FIGN: variants seen among roughly 807,000 people sequenced by gnomAD.
FIGN encodes fidgetin, microtubule severing factor, also known as fidgetin.
In FIGN, 11 loss-of-function variants were observed where a neutral mutation model predicts 51.3. That is an observed-to-expected ratio of 0.21 (90% CI 0.13 to 0.35). The LOEUF is 0.35. Among genes scored for constraint, FIGN ranks in the 10% least tolerant of loss-of-function variants. The probability of loss-of-function intolerance (pLI) is 1.00; values close to 1 mark genes in which losing one functional copy is unlikely to be tolerated. For synonymous variants in FIGN, 407 were observed against 363.2 expected (o/e 1.12, Z -1.37); for missense variants, 857 against 943.6 (o/e 0.91, Z 1.20).
chr2:163,616,999 T>G (rs1682889061), intron 2 of FIGN: 1 of 604,268 alleles, frequency 1.7e-6, no homozygotes, highest in African/African-American at 2.0e-5. Flanking sequence ...TTATTATCAT[T>G]CTTCAATGGG....
intron 2 of FIGN, among the ~76,000 whole-genome samples, chr2:163,616,882 A>G (rs145937122): frequency 1.1e-3 from 164 of 152,262 alleles, no homozygotes; most frequent in African/African-American, 3.5e-3. Context: ...TCCAGTAGAA[A>G]GTAGAAAATT....
chr2:163,699,778 T>G, intron 2 of FIGN, among the ~76,000 whole-genome samples: 1 of 152,134 alleles, frequency 6.6e-6, no homozygotes, highest in East Asian at 1.9e-4. Context: ...TACAGAAATT[T>G]TTTTGGTAAA....
At chr2:163,702,042 C>A (rs1372761506) in intron 2 of FIGN, among the ~76,000 whole-genome samples, 1 of 152,066 alleles carries the variant, frequency 6.6e-6, no homozygotes, top group Non-Finnish European at 1.5e-5. Flanking sequence ...CAGTGCTGTC[C>A]TCCCAGCCAT....
At chr2:163,671,184 G>C (rs1325737907) in intron 2 of FIGN, among the ~76,000 whole-genome samples, 2 of 152,190 alleles carry the variant, frequency 1.3e-5, no homozygotes, top group Non-Finnish European at 2.9e-5. Flanking sequence ...ACCTCTGTTA[G>C]CTGCCATCAT....
rs897546365 is a variant in FIGN, at chr2:163,669,575, T to C, written c.26-57769A>G. Among the ~76,000 whole-genome samples the C allele has an allele frequency of 1.2e-4, 19 of 152,186 alleles. No individual in the cohort carries two copies. In the South Asian group the frequency reaches 3.7e-3, roughly 30 times the overall value. Reference sequence around the variant, plus strand: ...ATTTGTGGATTAGAAAGGAAACCATTTAAAAATCTGTAGATTAAAGATAAG... The same window carrying C: ...ATTTGTGGATTAGAAAGGAAACCATCTAAAAATCTGTAGATTAAAGATAAG... On this transcript the variant is annotated intron_variant, in intron 2 of 2. Coordinates refer to ENST00000333129, the MANE Select transcript of FIGN (RefSeq NM_018086.4).
intron 2 of FIGN, among the ~76,000 whole-genome samples, chr2:163,613,611 T>C (rs1250598722): frequency 6.6e-6 from 1 of 152,174 alleles, no homozygotes; most frequent in Non-Finnish European, 1.5e-5. Context: ...GGAAGTTAAT[T>C]AGCAGGATGA....
chr2:163,681,689 T>C (rs1469682368), intron 2 of FIGN, among the ~76,000 whole-genome samples: 1 of 152,180 alleles, frequency 6.6e-6, no homozygotes, highest in Non-Finnish European at 1.5e-5. Flanking sequence ...TGTGTAAAAC[T>C]TTAAGAAAGA....
At chr2:163,700,640 A>C (rs1419338475) in intron 2 of FIGN, among the ~76,000 whole-genome samples, 1 of 152,112 alleles carries the variant, frequency 6.6e-6, no homozygotes, top group African/African-American at 2.4e-5. Context: ...GAGTTCAGTC[A>C]AGGTTACAAG....
chr2:163,726,272 T>C (rs1339860085), intron 2 of FIGN, among the ~76,000 whole-genome samples: 2 of 152,034 alleles, frequency 1.3e-5, no homozygotes, highest in African/African-American at 4.8e-5. Context: ...ATAATGCAAA[T>C]GAAAATCTCT....
chr2:163,730,652 C>T (rs1018651136), intron 2 of FIGN, among the ~76,000 whole-genome samples: 3 of 152,020 alleles, frequency 2.0e-5, no homozygotes, highest in Admixed American at 6.6e-5. Context: ...AAAAGAAAGA[C>T]ACATACATTT....
intron 2 of FIGN, among the ~76,000 whole-genome samples, chr2:163,705,639 T>G (rs1284440756): frequency 6.6e-6 from 1 of 151,314 alleles, no homozygotes; most frequent in Non-Finnish European, 1.5e-5. Context: ...TTATTTTTTG[T>G]CTTTTTTTTT....
chr2:163,602,933 G>A lies in FIGN; in HGVS notation c.*6619C>T, dbSNP rs918047771. On this transcript the variant is annotated 3_prime_UTR_variant, in exon 3 of 3. Coordinates refer to ENST00000333129, the MANE Select transcript of FIGN (RefSeq NM_018086.4). ...AAATGAGATGCAATGGATTACAATT[G>A]AAACTGCAACAATGAGGACAAAAAG... 3 of 151,678 alleles carry A rather than the reference G, an allele frequency of 2.0e-5. No individual in the cohort carries two copies. The highest frequency in any genetic ancestry group is 7.3e-5 in the African/African-American group (3 of 41,280). The allele number at this position is 151,678 out of a possible 1,614,324, so 9.4% of individuals were successfully genotyped here.
At chr2:163,722,785 AT>A (rs1684778363) in intron 2 of FIGN, among the ~76,000 whole-genome samples, 2 of 152,058 alleles carry the variant, frequency 1.3e-5, no homozygotes, top group Non-Finnish European at 2.9e-5. Context: ...TAATAACATT[AT>A]ATAAAGAATA....
At chr2:163,722,474 T>C (rs1170062177) in intron 2 of FIGN, among the ~76,000 whole-genome samples, 1 of 151,912 alleles carries the variant, frequency 6.6e-6, no homozygotes, top group Non-Finnish European at 1.5e-5. Flanking sequence ...AAGAAGTCAA[T>C]CTGGAAGTCT....
In FIGN at chr2:163,688,892, G is replaced by T. The variant is rs528374293; in HGVS notation, c.25+46011C>A. Among the ~76,000 whole-genome samples, 29 of 152,258 alleles carry T rather than the reference G, an allele frequency of 1.9e-4. No homozygotes were observed. The South Asian group carries it at 5.4e-3, about 28-fold the overall frequency. On this transcript the variant is annotated intron_variant, in intron 2 of 2. Transcript: ENST00000333129. ...TCGGATAATATACAACAATGAGGCT[G>T]GGTGCAGTGGCTCATGCCTGTAATC...
At chr2:163,628,455 G>A (rs1309956498) in intron 2 of FIGN, among the ~76,000 whole-genome samples, 1 of 152,142 alleles carries the variant, frequency 6.6e-6, no homozygotes, top group Admixed American at 6.6e-5. Context: ...TGCATGGGGG[G>A]ACCAGATAGA....
chr2:163,625,925 C>CA (rs1683047365), intron 2 of FIGN, among the ~76,000 whole-genome samples: 1 of 152,106 alleles, frequency 6.6e-6, no homozygotes, highest in South Asian at 2.1e-4. Flanking sequence ...TGAAAAAGTA[C>CA]AAAAAATAAC....
At chr2:163,635,357 T>C (rs944053842) in intron 2 of FIGN, among the ~76,000 whole-genome samples, 7 of 152,144 alleles carry the variant, frequency 4.6e-5, no homozygotes, top group Non-Finnish European at 8.8e-5. Context: ...CACTTGAACC[T>C]ACGAGCTAGA....
intron 2 of FIGN, among the ~76,000 whole-genome samples, chr2:163,656,771 T>A (rs942876742): frequency 2.0e-5 from 3 of 152,154 alleles, no homozygotes; most frequent in African/African-American, 7.2e-5. Flanking sequence ...CTTTCTGGAG[T>A]TAGATTGTCA....
Sources: allele counts gnomAD v4.1 joint callset (sites outside exome capture counted in the v4.1 genomes callset), GRCh38; gene constraint gnomAD v4.1.1; transcripts MANE v1.5; gene names NCBI Gene and HGNC (gene_info 2026-07-23, HGNC 2026-07-21).